GPR160: variants seen among roughly 807,000 people sequenced by gnomAD.
GPR160 encodes the protein G protein-coupled receptor 160.
A neutral mutation model predicts 2.6 loss-of-function variants in GPR160; 2 were observed. The ratio of observed to expected loss-of-function variants is 0.77; its 90% CI spans 0.32 to 2.44. The LOEUF (loss-of-function observed/expected upper bound fraction) is 2.44. Ranked by LOEUF, GPR160 falls within the 30% of genes most tolerant of loss-of-function variation. The pLI is 0.11. For missense variants in GPR160, 351 were observed against 383.6 expected (o/e 0.91, Z 0.71); for synonymous variants, 130 against 132.2 (o/e 0.98, Z 0.12).
chr3:170,054,841 T>C (rs939086425), intron 2 of GPR160, among the ~76,000 whole-genome samples: 21 of 151,036 alleles, frequency 1.4e-4, no homozygotes, highest in Non-Finnish European at 1.3e-4. Flanking sequence ...TCACCCGGGG[T>C]GGAATGCAGT....
chr3:170,084,307 T>C lies in GPR160; in HGVS notation c.335T>C (p.Val112Ala), dbSNP rs1399035724. The stretch of plus-strand genomic sequence containing the variant: ...ACTTATGGCTTTTTGCATTATCCAG[T>C]TTTCCTGACAGCTTGTATAGATTAT... ...SFTYGFLHYP[V>A]FLTACIDYCL... Residue 112 changes from valine to alanine, a missense_variant, in exon 4 of 4, where the codon GTT (valine) becomes GCT (alanine). Physicochemically the swap from Val to Ala is moderately conservative, Grantham distance 64 (BLOSUM62 0). Transcript: ENST00000355897. 1.2e-6 allele frequency: 2 copies of C among 1,608,924 alleles called. No homozygotes were observed. The highest frequency in any genetic ancestry group is 4.5e-5 in the East Asian group (2 of 44,836).
At chr3:170,073,532 ATCTTATAG>A (rs1320001990) in intron 2 of GPR160, among the ~76,000 whole-genome samples, 1 of 152,112 alleles carries the variant, frequency 6.6e-6, no homozygotes, top group African/African-American at 2.4e-5. Context: ...TCTTCAGGTG[ATCTTATAG>A]TCTTTCTCCT....
At position 170,073,221 on chromosome 3, in the gene GPR160, AATT is replaced by A. The variant is rs1307184568; in HGVS notation, c.-192-6552_-192-6550del. ...AAAAGAAAAAATTATTGCCTATTAT[AATT>A]TGTTGTGACAGCCCTAGGAAGCTAA... On this transcript the variant is annotated intron_variant, in intron 2 of 3. Coordinates refer to ENST00000355897, the MANE Select transcript of GPR160 (RefSeq NM_014373.3). Among the ~76,000 whole-genome samples, 77 of 152,196 alleles carry A rather than the reference AATT, an allele frequency of 5.1e-4. 1 individual carries two copies. Among genetic ancestry groups the A allele is most frequent in the African/African-American group, 1.6e-3 (68 of 41,538 alleles).
intron 2 of GPR160, among the ~76,000 whole-genome samples, chr3:170,073,881 A>ATTTTTTTTTTTTTTT (rs35575462): frequency 1.2e-5 from 1 of 81,880 alleles, no homozygotes; most frequent in Non-Finnish European, 2.3e-5. Flanking sequence ...TTTAATAGGG[A>ATTTTTTTTTTTTTTT]TTTTTTTTTT....
At chr3:170,076,642 C>T (rs1712865176) in intron 2 of GPR160, among the ~76,000 whole-genome samples, 1 of 152,034 alleles carries the variant, frequency 6.6e-6, no homozygotes, top group Admixed American at 6.5e-5. Flanking sequence ...GTCCTAGGTC[C>T]AAGCGATTCT....
At chr3:170,081,617 G>A (rs758069006) in intron 3 of GPR160, among the ~76,000 whole-genome samples, 1 of 152,056 alleles carries the variant, frequency 6.6e-6, no homozygotes. Flanking sequence ...TACATGTGCA[G>A]GTTTGTTATA....
chr3:170,081,261 G>T (rs1373557650), intron 3 of GPR160, among the ~76,000 whole-genome samples: 2 of 152,054 alleles, frequency 1.3e-5, no homozygotes, highest in African/African-American at 2.4e-5. Context: ...CCACTTGTAA[G>T]ACCAATGGCA....
intron 2 of GPR160, among the ~76,000 whole-genome samples, chr3:170,067,776 ATG>A (rs1474807357): frequency 6.6e-6 from 1 of 151,840 alleles, no homozygotes; most frequent in Non-Finnish European, 1.5e-5. Flanking sequence ...GTTATCTGGG[ATG>A]TGTTTTTTTA....
intron 2 of GPR160, among the ~76,000 whole-genome samples, chr3:170,040,440 G>C (rs1328693079): frequency 6.6e-6 from 1 of 152,190 alleles, no homozygotes; most frequent in Non-Finnish European, 1.5e-5. Context: ...CTCCCTACTG[G>C]AGGTGCCGAT....
intron 2 of GPR160, among the ~76,000 whole-genome samples, chr3:170,051,656 C>T (rs1716963178): frequency 6.6e-6 from 1 of 152,124 alleles, no homozygotes; most frequent in South Asian, 2.1e-4. Flanking sequence ...ACCTGGGAGG[C>T]GGAGGTTGCA....
At chr3:170,057,461 T>A (rs2241296) in intron 2 of GPR160, 72,883 of 151,958 alleles carry the variant, frequency 0.48, 18,029 homozygotes, top group East Asian at 0.76. Flanking sequence ...AATTAAAAAA[T>A]GAAAAGATAG....
chr3:170,044,655 C>T (rs1210001651), intron 2 of GPR160, among the ~76,000 whole-genome samples: 1 of 152,098 alleles, frequency 6.6e-6, no homozygotes, highest in Non-Finnish European at 1.5e-5. Flanking sequence ...ACCAAAAAGG[C>T]CTTTAACCCT....
rs913112532 is a variant in GPR160 at position 170,038,339 on chromosome 3, G to A, written c.-322+124G>A. 7 of 152,108 alleles carry A rather than the reference G, an allele frequency of 4.6e-5. No homozygotes were observed. Among genetic ancestry groups the A allele is most frequent in the African/African-American group, 1.7e-4 (7 of 41,444 alleles). The allele number at this position is 152,108 out of a possible 1,614,324, so 9.4% of individuals were successfully genotyped here. A position where few individuals can be genotyped will look rare whatever the true frequency, so the allele number is the denominator to read the frequency against. On this transcript the variant is annotated intron_variant, in intron 1 of 3. Coordinates refer to ENST00000355897, the MANE Select transcript of GPR160 (RefSeq NM_014373.3). This position sits in a 1 kb window ranked among gnomAD's most constrained non-coding sequence, Gnocchi z 5.3. ...GCCGGGCGTTCAGCGCGCCTGGGAG[G>A]GGAAGGAATTTCCTTTGCAGGAACT...
Position 170,084,430 on chromosome 3 carries a change from A to G in GPR160, c.458A>G (p.Tyr153Cys), listed in dbSNP as rs775737762. ...TTAATTTGGATTTCAGTCCTTGCTTATGTTTTGGGAGACCCAGCCATCTAC... is the reference window on the plus strand; with the variant it reads ...TTAATTTGGATTTCAGTCCTTGCTTGTGTTTTGGGAGACCCAGCCATCTAC... ...VILIWISVLA[Y>C]VLGDPAIYQS... The change falls in exon 4 of 4, where the codon TAT becomes TGT. Residue 153 changes from tyrosine (Y) to cysteine (C), a missense_variant. Physicochemically the swap from Tyr to Cys is radical, Grantham distance 194. Transcript: ENST00000355897. 1.9e-6 allele frequency: 3 copies of G among 1,610,966 alleles called. No homozygotes were observed. In the East Asian group the frequency reaches 6.7e-5, roughly 36 times the overall value.
chr3:170,043,940 AAAATAGTCCCCAGCCCTG>A (rs1716575657), intron 2 of GPR160, among the ~76,000 whole-genome samples: 1 of 151,748 alleles, frequency 6.6e-6, no homozygotes, highest in Non-Finnish European at 1.5e-5. Flanking sequence ...AGCAACCCCT[AAAATAGTCCCCAGCCCTG>A]AGATTGTACT....
intron 2 of GPR160, among the ~76,000 whole-genome samples, chr3:170,076,541 AATT>A (rs1395573669): frequency 1.3e-5 from 2 of 151,512 alleles, no homozygotes; most frequent in Non-Finnish European, 2.9e-5. Flanking sequence ...TTATTTTTTT[AATT>A]ATTATTTTTT....
intron 2 of GPR160, among the ~76,000 whole-genome samples, chr3:170,041,267 G>A (rs945121404): frequency 1.3e-5 from 2 of 151,332 alleles, no homozygotes; most frequent in African/African-American, 4.9e-5. Context: ...GACCTTGCTC[G>A]TGTAGATTCA....
At chr3:170,072,305 C>T (rs987848520) in intron 2 of GPR160, among the ~76,000 whole-genome samples, 1 of 152,040 alleles carries the variant, frequency 6.6e-6, no homozygotes, top group African/African-American at 2.4e-5. Flanking sequence ...GAACTCCTGA[C>T]CTCAAGTGAT....
At chr3:170,073,033 A>T (rs1221703730) in intron 2 of GPR160, among the ~76,000 whole-genome samples, 1 of 151,994 alleles carries the variant, frequency 6.6e-6, no homozygotes, top group Non-Finnish European at 1.5e-5. Flanking sequence ...AAAAAATTTT[A>T]AAAACTTAGC....
Sources: gnomAD v4.1 joint callset for allele counts (sites outside exome capture counted in the v4.1 genomes callset) on GRCh38, gnomAD v4.1.1 for gene constraint, Gnocchi (gnomAD v3.1) non-coding constraint, MANE v1.5 for transcripts, NCBI Gene and HGNC (gene_info 2026-07-23, HGNC 2026-07-21) for gene names.